The following STRAP variants were observed in gnomAD, a reference collection of about 807,000 sequenced individuals.
STRAP encodes serine/threonine kinase receptor associated protein.
STRAP carries 16 observed loss-of-function variants against 47.0 expected under a neutral mutation model. The observed-to-expected ratio is 0.34, with a 90% CI of 0.23 to 0.52. The LOEUF is 0.52. Ranked by LOEUF, STRAP falls within the 20% of genes least tolerant of loss-of-function variation. The probability of loss-of-function intolerance (pLI) is 0.96; values close to 1 mark genes in which losing one functional copy is unlikely to be tolerated. For missense variants in STRAP, 293 were observed against 420.0 expected (o/e 0.70, Z 2.64); for synonymous variants, 130 against 142.7 (o/e 0.91, Z 0.63).
intron 9 of STRAP, among the ~76,000 whole-genome samples, chr12:15,902,397 T>C (rs993210138): frequency 3.9e-5 from 6 of 152,204 alleles, no homozygotes; most frequent in Non-Finnish European, 7.3e-5. Context: ...GGAAGAAATA[T>C]GCAGATTGCT....
intron 7 of STRAP, among the ~76,000 whole-genome samples, chr12:15,899,344 C>T (rs1165802076): frequency 6.6e-6 from 1 of 152,170 alleles, no homozygotes; most frequent in African/African-American, 2.4e-5. Flanking sequence ...TATAACAGTG[C>T]TCCTAATCTA....
At chr12:15,891,936 C>G (rs1338555041) in intron 4 of STRAP, among the ~76,000 whole-genome samples, 1 of 148,004 alleles carries the variant, frequency 6.8e-6, no homozygotes, top group Non-Finnish European at 1.5e-5. Context: ...AAAACTCCTT[C>G]TCAAAAAGAA....
At chr12:15,900,554 C>A (rs1365569092) in intron 8 of STRAP, among the ~76,000 whole-genome samples, 5 of 151,642 alleles carry the variant, frequency 3.3e-5, no homozygotes. Flanking sequence ...GTTGTACAAT[C>A]TAGTCTGTTC....
chr12:15,891,806 A>G (rs1395028910), intron 4 of STRAP, among the ~76,000 whole-genome samples: 1 of 152,130 alleles, frequency 6.6e-6, no homozygotes, highest in Non-Finnish European at 1.5e-5. Flanking sequence ...TTAGCTGGGC[A>G]TGGTGGCAGG....
chr12:15,892,369 G>T (rs1948023981), intron 4 of STRAP, among the ~76,000 whole-genome samples: 1 of 151,982 alleles, frequency 6.6e-6, no homozygotes, highest in African/African-American at 2.4e-5. Context: ...GAAGTTATAG[G>T]TGTCTTCCCC....
At position 15,885,911 on chromosome 12, in the gene STRAP, A is replaced by T. The variant is rs139153971; in HGVS notation, c.248+2235A>T. ...ATGAAAGTGTTACATATGTAAAGTA[A>T]CGATGATAGCTACCATGTAAACTAT... On this transcript the variant is annotated intron_variant, in intron 2 of 9. Transcript: ENST00000419869. 1.7e-3 allele frequency among the ~76,000 whole-genome samples: 256 copies of T among 152,354 alleles called. 6 individuals carry two copies. The highest frequency in any genetic ancestry group is 0.016 in the Admixed American group (239 of 15,304).
At chr12:15,891,892 G>C (rs1948018422) in intron 4 of STRAP, among the ~76,000 whole-genome samples, 1 of 151,892 alleles carries the variant, frequency 6.6e-6, no homozygotes, top group Non-Finnish European at 1.5e-5. Context: ...GTTGCAGTGA[G>C]CCGAGATTGC....
rs1369335322 is a variant in STRAP at position 15,883,775 on chromosome 12, A to C, written c.248+99A>C. 2.7e-6 allele frequency: 4 copies of C among 1,465,462 alleles called. No homozygotes were observed. In the African/African-American group the frequency reaches 5.6e-5, roughly 21 times the overall value. The allele number at this position is 1,465,462 out of a possible 1,614,324, so 90.8% of individuals were successfully genotyped here. On this transcript the variant is annotated intron_variant, in intron 2 of 9. Transcript: ENST00000419869. ...TCAGATATTCATAAAATTCTGACTC[A>C]CTGGCTGCCATACAGAACGCATGTT...
chr12:15,882,952 C>A, intron 1 of STRAP, 133 bp downstream of exon 1: 1 of 1,338,520 alleles, frequency 7.5e-7, no homozygotes, highest in Non-Finnish European at 1.0e-6. Flanking sequence ...AGATGAGAGC[C>A]AACACTGGTC....
rs140693042 is a variant in STRAP at position 15,882,714 on chromosome 12, A to T, written c.7A>T (p.Met3Leu). Residue 3 changes from methionine to leucine, a missense_variant, in exon 1 of 10, where the codon ATG (methionine) becomes TTG (leucine). Transcript: ENST00000419869. MA[M>L]RQTPLTCSGH... ...CGCTGGCTTCGCCGCCGCCATGGCA[A>T]TGAGACAGACGCCGCTCACCTGCTC... is the stretch of plus-strand genomic sequence containing the variant. 1.2e-6 allele frequency: 2 copies of T among 1,610,696 alleles called. No individual in the cohort carries two copies. Among genetic ancestry groups the T allele is most frequent in the African/African-American group, 1.3e-5 (1 of 74,924 alleles).
Position 15,894,213 on chromosome 12 carries a change from A to G in STRAP, c.500+70A>G. The G allele has an allele frequency of 7.7e-7, 1 of 1,301,910 alleles. No homozygotes were observed. The highest frequency in any genetic ancestry group is 1.2e-5 in the South Asian group (1 of 83,018). 80.6% of individuals were successfully genotyped at this position (1,301,910 alleles called of 1,614,324 possible). On this transcript the variant is annotated intron_variant, in intron 5 of 9. Coordinates refer to ENST00000419869, the MANE Select transcript of STRAP (RefSeq NM_007178.4). This position sits in a 1 kb window ranked among gnomAD's most constrained non-coding sequence, Gnocchi z 4.9. The stretch of plus-strand genomic sequence containing the variant: ...GGTGGCTCACGCCTATAATCTCAGC[A>G]CTTTGGGAGGCGAGCCGGGTGGATC...
rs911645276 is a variant in STRAP, at chr12:15,887,589, A to G, written c.249-2339A>G. ...CCCTGTCAGAAAATGTCATGCCTCT[A>G]TTTTAGTACTGTTTCTAAATAGGAG... is the stretch of plus-strand genomic sequence containing the variant. On this transcript the variant is annotated intron_variant, in intron 2 of 9. Coordinates refer to ENST00000419869, the MANE Select transcript of STRAP (RefSeq NM_007178.4). The surrounding 1 kb of genome is among the most constrained non-coding windows in gnomAD (Gnocchi z 5.5). Among the ~76,000 whole-genome samples the G allele has an allele frequency of 2.6e-5, 4 of 152,216 alleles. No individual in the cohort carries two copies. The highest frequency in any genetic ancestry group is 9.6e-5 in the African/African-American group (4 of 41,466).
intron 6 of STRAP, among the ~76,000 whole-genome samples, chr12:15,897,631 C>G (rs1380002191): frequency 6.6e-6 from 1 of 152,032 alleles, no homozygotes; most frequent in Non-Finnish European, 1.5e-5. Context: ...GGGAAGACAT[C>G]CACTGCATAA....
Position 15,890,085 on chromosome 12 carries a change from G to C in STRAP, c.330+76G>C. 1 of 1,254,334 alleles carries C rather than the reference G, an allele frequency of 8.0e-7. No individual in the cohort carries two copies. The highest frequency in any genetic ancestry group is 1.2e-6 in the Non-Finnish European group (1 of 858,712). The allele number at this position is 1,254,334 out of a possible 1,614,324, so 77.7% of individuals were successfully genotyped here. A position where few individuals can be genotyped will look rare whatever the true frequency, so the allele number is the denominator to read the frequency against. On this transcript the variant is annotated intron_variant, in intron 3 of 9. Transcript: ENST00000419869. This position sits in a 1 kb window ranked among gnomAD's most constrained non-coding sequence, Gnocchi z 4.5. ...GTGATAATGCTTTTATACTTGATTG[G>C]TGTGTATATTTGATTGATATGTTTT...
In STRAP at chr12:15,899,929, T is replaced by A; in HGVS notation, c.801T>A (p.Pro267=). Residue 267 remains proline (P), a synonymous_variant, in exon 8 of 10, where the codon CCT becomes CCA. Coordinates refer to ENST00000419869, the MANE Select transcript of STRAP (RefSeq NM_007178.4). The stretch of plus-strand genomic sequence containing the variant: ...AATCCTACAAGGGACACTTTGGTCC[T>A]ATTCACTGTGTGAGATTTAGTCCTG... ...ELESYKGHFG[P]IHCVRFSPDG... The A allele has an allele frequency of 6.2e-7, 1 of 1,613,460 alleles. No individual in the cohort carries two copies. The highest frequency in any genetic ancestry group is 8.5e-7 in the Non-Finnish European group (1 of 1,179,750).
intron 1 of STRAP, 81 bp downstream of exon 1, chr12:15,882,900 G>A: frequency 6.8e-7 from 1 of 1,464,826 alleles, no homozygotes; most frequent in Non-Finnish European, 9.4e-7. Context: ...CAGTGCCGAA[G>A]CGGTGGTGTG....
At chr12:15,888,811 G>A (rs1034048632) in intron 2 of STRAP, among the ~76,000 whole-genome samples, 2 of 151,942 alleles carry the variant, frequency 1.3e-5, no homozygotes, top group Admixed American at 6.6e-5. Flanking sequence ...CTCTACTATG[G>A]CAAGAACCTA....
At chr12:15,888,091 G>A (rs1041612736) in intron 2 of STRAP, among the ~76,000 whole-genome samples, 1 of 152,074 alleles carries the variant, frequency 6.6e-6, no homozygotes, top group African/African-American at 2.4e-5. Flanking sequence ...TTTAAGCACC[G>A]TAATAAGTGG....
Position 15,900,974 on chromosome 12 carries a change from C to G in STRAP, c.953C>G (p.Pro318Arg). The G allele has an allele frequency of 6.3e-7, 1 of 1,594,376 alleles. No homozygotes were observed. The highest frequency in any genetic ancestry group is 8.5e-7 in the Non-Finnish European group (1 of 1,170,560). ...GAAGATAGTGGTGAGCTGGCAAAGC[C>G]AAAGATTGGTTTTCCAGAGACAACA... The part of the protein sequence containing the change: ...PEEDSGELAK[P>R]KIGFPETTEE... The change falls in exon 9 of 10, where the codon CCA (proline) becomes CGA (arginine). Residue 318 changes from proline to arginine, a missense_variant. Physicochemically the swap from Pro to Arg is moderately radical, Grantham distance 103. This residue lies in a region of STRAP where 52 missense variants were observed against 45.0 expected (regional missense o/e 1.16). Coordinates refer to ENST00000419869, the MANE Select transcript of STRAP (RefSeq NM_007178.4).
Sources: allele counts gnomAD v4.1 joint callset (sites outside exome capture counted in the v4.1 genomes callset), GRCh38; gene constraint gnomAD v4.1.1; regional missense constraint gnomAD v4.1.1; non-coding constraint Gnocchi (gnomAD v3.1); transcripts MANE v1.5; gene names NCBI Gene and HGNC (gene_info 2026-07-23, HGNC 2026-07-21).